The following XKR6 variants were observed in gnomAD, a reference collection of about 807,000 sequenced individuals.
XKR6 encodes the protein XK-related protein 6.
Under a neutral mutation model 56.7 loss-of-function variants are expected in XKR6, and 22 were observed. The observed-to-expected ratio is 0.39, with a 90% CI of 0.28 to 0.55. The LOEUF is 0.55. Ranked by LOEUF, XKR6 falls within the 20% of genes least tolerant of loss-of-function variation. The probability of loss-of-function intolerance (pLI) is 0.66; values close to 1 mark genes in which losing one functional copy is unlikely to be tolerated. For missense variants in XKR6, 852 were observed against 889.0 expected (o/e 0.96, Z 0.53); for synonymous variants, 524 against 387.8 (o/e 1.35, Z -4.13).
At chr8:11,189,295 T>C (rs1036574660) in intron 1 of XKR6, among the ~76,000 whole-genome samples, 3 of 152,254 alleles carry the variant, frequency 2.0e-5, no homozygotes, top group Non-Finnish European at 4.4e-5. Flanking sequence ...ATGGGGATCA[T>C]CTGTGTTCAT....
At chr8:10,922,491 C>A (rs1800751086) in intron 2 of XKR6, among the ~76,000 whole-genome samples, 1 of 152,238 alleles carries the variant, frequency 6.6e-6, no homozygotes, top group African/African-American at 2.4e-5. Flanking sequence ...GTTTCTAGAG[C>A]AAGAATGCGC....
chr8:11,089,893 C>T (rs568780291), intron 1 of XKR6, among the ~76,000 whole-genome samples: 1 of 152,098 alleles, frequency 6.6e-6, no homozygotes, highest in African/African-American at 2.4e-5. Context: ...TATACTTATT[C>T]ATATGCACAC....
chr8:11,119,592 T>A (rs1246088332), intron 1 of XKR6, among the ~76,000 whole-genome samples: 1 of 152,218 alleles, frequency 6.6e-6, no homozygotes. Context: ...TCTTTGTTGG[T>A]TTAAAGTCTG....
At chr8:10,986,143 A>C (rs936775567) in intron 1 of XKR6, among the ~76,000 whole-genome samples, 1 of 152,236 alleles carries the variant, frequency 6.6e-6, no homozygotes, top group African/African-American at 2.4e-5. Context: ...TCACACTGGA[A>C]TATGATAAAT....
At chr8:11,187,699 G>A (rs1803349381) in intron 1 of XKR6, among the ~76,000 whole-genome samples, 1 of 152,160 alleles carries the variant, frequency 6.6e-6, no homozygotes, top group Non-Finnish European at 1.5e-5. Flanking sequence ...GCATGGGGGT[G>A]GCTGGTTTAG....
chr8:11,023,694 C>T (rs1714901233), intron 1 of XKR6, among the ~76,000 whole-genome samples: 1 of 152,226 alleles, frequency 6.6e-6, no homozygotes, highest in Non-Finnish European at 1.5e-5. Context: ...CAGCGAGGGA[C>T]TGCTAACTCT....
intron 1 of XKR6, among the ~76,000 whole-genome samples, chr8:11,009,340 G>T (rs1798448263): frequency 6.6e-6 from 1 of 152,072 alleles, no homozygotes; most frequent in Non-Finnish European, 1.5e-5. Flanking sequence ...GAGAGACCCT[G>T]TCTTTACAAA....
At chr8:10,902,223 G>C (rs2129107249) in intron 2 of XKR6, among the ~76,000 whole-genome samples, 1 of 152,372 alleles carries the variant, frequency 6.6e-6, no homozygotes, top group East Asian at 1.9e-4. Flanking sequence ...ATGGAAGACT[G>C]TGATTCCAGG....
At chr8:10,981,059 C>T (rs1428934687) in intron 1 of XKR6, among the ~76,000 whole-genome samples, 1 of 152,046 alleles carries the variant, frequency 6.6e-6, no homozygotes, top group Non-Finnish European at 1.5e-5. Context: ...ATGCTTTTTC[C>T]CATTTTAAAT....
chr8:10,931,390 A>C (rs1454688623), intron 1 of XKR6, among the ~76,000 whole-genome samples: 1 of 152,116 alleles, frequency 6.6e-6, no homozygotes, highest in Non-Finnish European at 1.5e-5. Flanking sequence ...TCCAATAAAA[A>C]CCCAAGTGGA....
chr8:10,961,837 C>T (rs1220462075), intron 1 of XKR6, among the ~76,000 whole-genome samples: 1 of 152,228 alleles, frequency 6.6e-6, no homozygotes, highest in African/African-American at 2.4e-5. Context: ...GGGAACGTTG[C>T]CAGGAGGAAG....
chr8:11,081,896 C>T (rs895329381), intron 1 of XKR6, among the ~76,000 whole-genome samples: 5 of 152,186 alleles, frequency 3.3e-5, no homozygotes, highest in Non-Finnish European at 7.3e-5. Flanking sequence ...TGGTCCTTGC[C>T]CCTCGAGGTG....
intron 1 of XKR6, among the ~76,000 whole-genome samples, chr8:11,040,046 A>C (rs1360487177): frequency 1.3e-5 from 2 of 151,782 alleles, no homozygotes; most frequent in African/African-American, 4.8e-5. Flanking sequence ...TGCCTCCCTC[A>C]CCGTCGGGAG....
At chr8:11,101,434 A>AT (rs1173797729) in intron 1 of XKR6, among the ~76,000 whole-genome samples, 1 of 152,194 alleles carries the variant, frequency 6.6e-6, no homozygotes, top group Non-Finnish European at 1.5e-5. Flanking sequence ...GACCTAGTGA[A>AT]TTTTGTTCTG....
At chr8:10,965,635 G>C (rs998936135) in intron 1 of XKR6, among the ~76,000 whole-genome samples, 1 of 152,234 alleles carries the variant, frequency 6.6e-6, no homozygotes, top group African/African-American at 2.4e-5. Context: ...GCTCGCTTGA[G>C]ACTTGGGAGA....
At chr8:11,030,620 A>C (rs1798970558) in intron 1 of XKR6, among the ~76,000 whole-genome samples, 1 of 152,162 alleles carries the variant, frequency 6.6e-6, no homozygotes, top group Non-Finnish European at 1.5e-5. Flanking sequence ...AGGTCCCACA[A>C]GTGACAGGGA....
At chr8:11,061,209 A>T (rs184973072) in intron 1 of XKR6, among the ~76,000 whole-genome samples, 24 of 152,316 alleles carry the variant, frequency 1.6e-4, no homozygotes, top group Admixed American at 1.4e-3. Flanking sequence ...CACACCTGTA[A>T]TCTTGGCACT....
At chr8:10,964,948 G>A (rs575649413) in intron 1 of XKR6, among the ~76,000 whole-genome samples, 1 of 152,186 alleles carries the variant, frequency 6.6e-6, no homozygotes, top group South Asian at 2.1e-4. Context: ...CCACATCCCC[G>A]TGCAGGTGTG....
chr8:11,014,081 G>A (rs550361149), intron 1 of XKR6, among the ~76,000 whole-genome samples: 14 of 152,332 alleles, frequency 9.2e-5, no homozygotes, highest in African/African-American at 3.4e-4. Flanking sequence ...TGTGTTTAAA[G>A]GTCCCCAAAT....
Sources: allele counts gnomAD v4.1 joint callset (sites outside exome capture counted in the v4.1 genomes callset), GRCh38; gene constraint gnomAD v4.1.1; transcripts MANE v1.5; gene names NCBI Gene and HGNC (gene_info 2026-07-23, HGNC 2026-07-21).